The following TMEM9B variants were observed in gnomAD, a reference collection of about 807,000 sequenced individuals.
The protein encoded by TMEM9B is transmembrane protein 9B.
In TMEM9B, 8 loss-of-function variants were observed where a neutral mutation model predicts 23.5. That is an observed-to-expected ratio of 0.34 (90% CI 0.20 to 0.61). The LOEUF is 0.61. Ranked by LOEUF, TMEM9B falls within the 20% of genes least tolerant of loss-of-function variation. TMEM9B has a pLI of 0.78. For missense variants in TMEM9B, 197 were observed against 252.3 expected (o/e 0.78, Z 1.49); for synonymous variants, 106 against 96.3 (o/e 1.10, Z -0.59).
chr11:8,960,189 T>G (rs1854051167), intron 2 of TMEM9B, among the ~76,000 whole-genome samples: 1 of 147,982 alleles, frequency 6.8e-6, no homozygotes, highest in South Asian at 2.2e-4. Context: ...GTCACCCAGG[T>G]TAGAGGGCAG....
chr11:8,961,621 C>G (rs1479375518), intron 2 of TMEM9B, among the ~76,000 whole-genome samples: 1 of 152,262 alleles, frequency 6.6e-6, no homozygotes, highest in African/African-American at 2.4e-5. Context: ...ATGGGAAACT[C>G]TGACTACATA....
chr11:8,960,457 G>A (rs1232764315), intron 2 of TMEM9B, among the ~76,000 whole-genome samples: 1 of 151,730 alleles, frequency 6.6e-6, no homozygotes, highest in South Asian at 2.1e-4. Flanking sequence ...TGTTTTCAAA[G>A]CCAAAGCTAT....
At chr11:8,958,815 C>A (rs1263158190) in intron 2 of TMEM9B, among the ~76,000 whole-genome samples, 1 of 152,082 alleles carries the variant, frequency 6.6e-6, no homozygotes, top group Admixed American at 6.6e-5. Flanking sequence ...AGGTGATGTG[C>A]CTGCCTCGGC....
At chr11:8,955,857 A>G (rs976460644) in intron 3 of TMEM9B, among the ~76,000 whole-genome samples, 1 of 152,182 alleles carries the variant, frequency 6.6e-6, no homozygotes, top group Non-Finnish European at 1.5e-5. Flanking sequence ...AATAATTACT[A>G]TATATTTAAT....
rs778574711 is a variant in TMEM9B at position 8,964,283 on chromosome 11, G to C, written c.31C>G (p.Leu11Val). MATLWGGLLR[L>V]GSLLSLSCLA... ...CACGACAGGCTGAGCAAGGAGCCAA[G>C]CCGAAGAAGGCCTCCCCACAGGGTC... is the stretch of plus-strand genomic sequence containing the variant. Residue 11 changes from leucine to valine, a missense_variant, in exon 1 of 5, where the codon CTT (leucine) becomes GTT (valine). Leu to Val is a conservative substitution (Grantham distance 32). Coordinates refer to ENST00000534025, the MANE Select transcript of TMEM9B (RefSeq NM_020644.3). 6.9e-6 allele frequency: 11 copies of C among 1,592,160 alleles called. No homozygotes were observed. The highest frequency in any genetic ancestry group is 1.1e-5 in the South Asian group (1 of 87,784).
Position 8,964,424 on chromosome 11 carries a change from T to A in TMEM9B, c.-111A>T. ...AGGCTTGGGACCCGGCTGGGGATCC[T>A]CCGCCCGCACTTCCGTCTGGACGCG... is the stretch of plus-strand genomic sequence containing the variant. On this transcript the variant is annotated 5_prime_UTR_variant, in exon 1 of 5. Transcript: ENST00000534025. The A allele has an allele frequency of 7.0e-7, 1 of 1,435,172 alleles. No homozygotes were observed. The highest frequency in any genetic ancestry group is 1.5e-5 in the South Asian group (1 of 67,656). The allele number at this position is 1,435,172 out of a possible 1,614,324, so 88.9% of individuals were successfully genotyped here. A position where few individuals can be genotyped will look rare whatever the true frequency, so the allele number is the denominator to read the frequency against.
At chr11:8,948,627 T>C (rs2134858258) in intron 4 of TMEM9B, 152 bp from the exon 5 acceptor site, 1 of 820,246 alleles carries the variant, frequency 1.2e-6, no homozygotes, top group Non-Finnish European at 1.8e-6. Context: ...AGCGCTCAAC[T>C]ACCAGATAGA....
At chr11:8,960,641 T>C (rs1484250014) in intron 2 of TMEM9B, among the ~76,000 whole-genome samples, 1 of 152,146 alleles carries the variant, frequency 6.6e-6, no homozygotes. Context: ...CTGAATAAAT[T>C]TGGAAAATTT....
chr11:8,954,913 G>A (rs925856690), intron 3 of TMEM9B, among the ~76,000 whole-genome samples: 3 of 152,066 alleles, frequency 2.0e-5, no homozygotes, highest in Admixed American at 6.6e-5. Flanking sequence ...AGCACTTTGG[G>A]AGGCCAAGAT....
chr11:8,948,794 T>C (rs528100202), intron 4 of TMEM9B, among the ~76,000 whole-genome samples: 1 of 152,362 alleles, frequency 6.6e-6, no homozygotes, highest in East Asian at 1.9e-4. Context: ...AAGAGAAGCC[T>C]TCCTTAACTG....
chr11:8,962,104 G>A lies in TMEM9B; in HGVS notation c.185C>T (p.Ser62Phe). The A allele has an allele frequency of 1.3e-6, 2 of 1,588,654 alleles. No individual in the cohort carries two copies. Among genetic ancestry groups the A allele is most frequent in the Non-Finnish European group, 8.6e-7 (1 of 1,166,854 alleles). The part of the protein sequence containing the change: ...NSGHIYNKNI[S>F]QKDCDCLHVV... ...TCCAGATACTTACCAATCTTTCTGA[G>A]ATATGTTCTTATTATAAATATGCCC... Residue 62 changes from serine (S) to phenylalanine (F), a missense_variant, in exon 2 of 5, where the codon TCT becomes TTT. Transcript: ENST00000534025.
intron 2 of TMEM9B, among the ~76,000 whole-genome samples, chr11:8,959,368 A>T (rs1331847912): frequency 6.6e-6 from 1 of 152,162 alleles, no homozygotes; most frequent in Non-Finnish European, 1.5e-5. Flanking sequence ...AGCCTAGGAG[A>T]TCAAGGCTGC....
At chr11:8,951,197 T>C (rs1021751925) in intron 4 of TMEM9B, among the ~76,000 whole-genome samples, 6 of 152,198 alleles carry the variant, frequency 3.9e-5, no homozygotes, top group Non-Finnish European at 7.3e-5. Flanking sequence ...ATATTGTCTA[T>C]TTCTGAAATC....
intron 4 of TMEM9B, among the ~76,000 whole-genome samples, chr11:8,949,561 C>G (rs1853838779): frequency 6.6e-6 from 1 of 152,162 alleles, no homozygotes; most frequent in African/African-American, 2.4e-5. Flanking sequence ...TGAAAAAGCT[C>G]TATTATATAT....
chr11:8,951,552 C>T (rs1853874523), intron 4 of TMEM9B, among the ~76,000 whole-genome samples: 1 of 145,334 alleles, frequency 6.9e-6, no homozygotes, highest in Non-Finnish European at 1.5e-5. Context: ...GAGATTGAGA[C>T]CATCCTGGCT....
rs202031448 is a variant in TMEM9B, at chr11:8,948,163, G to GA, written c.*156dup. On this transcript the variant is annotated 3_prime_UTR_variant, in exon 5 of 5. Coordinates refer to ENST00000534025, the MANE Select transcript of TMEM9B (RefSeq NM_020644.3). ...AATGTCTCTATTATTACGTTAACAA[G>GA]AAAAAAAAATCAAGCAAGTTTTTGC... The GA allele has an allele frequency of 1.2e-3, 1,046 of 866,036 alleles. No individual in the cohort carries two copies. Among genetic ancestry groups the GA allele is most frequent in the Middle Eastern group, 1.8e-3 (5 of 2,710 alleles). 53.6% of individuals were successfully genotyped at this position (866,036 alleles called of 1,614,324 possible). A position where few individuals can be genotyped will look rare whatever the true frequency, so the allele number is the denominator to read the frequency against.
In TMEM9B at chr11:8,953,316, A is replaced by T. The variant is rs779868555; in HGVS notation, c.328T>A (p.Ser110Thr). The T allele has an allele frequency of 2.5e-6, 4 of 1,613,988 alleles. No homozygotes were observed. The Admixed American group carries it at 6.7e-5, about 27-fold the overall frequency. The part of the protein sequence containing the change: ...TIKVTIIIYL[S>T]ILGLLLLYMV... ...TACAGAAGTAGAAGGCCCAAAATGG[A>T]GAGATAAATTATAATGGTAACCTAA... The change falls in exon 4 of 5, where the codon TCC (serine) becomes ACC (threonine). Residue 110 changes from serine to threonine, a missense_variant. Coordinates refer to ENST00000534025, the MANE Select transcript of TMEM9B (RefSeq NM_020644.3).
At chr11:8,953,362 A>G (rs1372208938) in intron 3 of TMEM9B, 25 bp from the exon 4 acceptor site, 1 of 1,610,088 alleles carries the variant, frequency 6.2e-7, no homozygotes, top group Admixed American at 1.7e-5. Flanking sequence ...AAATTAAGTT[A>G]CATCTTTGTT....
chr11:8,953,162 A>T, intron 4 of TMEM9B, 41 bp downstream of exon 4: 1 of 1,613,608 alleles, frequency 6.2e-7, no homozygotes, highest in Non-Finnish European at 8.5e-7. Flanking sequence ...GAATGATGAC[A>T]GGGACTGGCC....
Sources: allele counts gnomAD v4.1 joint callset (sites outside exome capture counted in the v4.1 genomes callset), GRCh38; gene constraint gnomAD v4.1.1; transcripts MANE v1.5; gene names NCBI Gene and HGNC (gene_info 2026-07-23, HGNC 2026-07-21).